CA4: variants seen among roughly 807,000 people sequenced by gnomAD.
The protein encoded by CA4 is carbonic anhydrase 4, also known as CA-IV.
CA4 carries 24 observed loss-of-function variants against 34.5 expected under a neutral mutation model. That is an observed-to-expected ratio of 0.70 (90% CI 0.50 to 0.98). The LOEUF (loss-of-function observed/expected upper bound fraction) is 0.98, where lower values mean the gene tolerates loss of function less well. CA4 is among the 50% of genes least tolerant of loss of function. CA4 has a pLI of 0.00. For synonymous variants in CA4, 178 were observed against 170.6 expected (o/e 1.04, Z -0.34); for missense variants, 394 against 396.7 (o/e 0.99, Z 0.06).
intron 5 of CA4, among the ~76,000 whole-genome samples, chr17:60,166,885 A>G (rs2145303803): frequency 6.6e-6 from 1 of 152,314 alleles, no homozygotes; most frequent in South Asian, 2.1e-4. Context: ...TAAACCTGGG[A>G]GGTGGAGGTT....
chr17:60,171,060 G>A (rs2083906989), downstream of CA4, among the ~76,000 whole-genome samples: 1 of 152,242 alleles, frequency 6.6e-6, no homozygotes, highest in African/African-American at 2.4e-5. Flanking sequence ...TCATAGAGCT[G>A]TGGTGAGCAT....
At chr17:60,172,002 C>T (rs557756728), downstream of CA4, among the ~76,000 whole-genome samples, 1 of 152,274 alleles carries the variant, frequency 6.6e-6, no homozygotes, top group South Asian at 2.1e-4. Flanking sequence ...GAACCTGGGG[C>T]TGCGGCAGCC....
intron 1 of CA4, among the ~76,000 whole-genome samples, chr17:60,150,678 A>G (rs2083575779): frequency 7.0e-6 from 1 of 143,728 alleles, no homozygotes; most frequent in African/African-American, 2.7e-5. Context: ...AAAAAAAAAA[A>G]AAAAAAAAAA....
In CA4 at chr17:60,156,555, C is replaced by G. The variant is rs1248952586; in HGVS notation, c.113-5C>G. 1.5e-5 allele frequency: 25 copies of G among 1,614,152 alleles called. No homozygotes were observed. Among genetic ancestry groups the G allele is most frequent in the Non-Finnish European group, 2.0e-5 (24 of 1,179,966 alleles). ...ACTCTCAGCCCACCTTCTCTCCCTG[C>G]TCAGTGCCAGTCAAGTGGGGTGGAA... On this transcript the variant is annotated splice_polypyrimidine_tract_variant and splice_region_variant and intron_variant, in intron 2 of 7. Transcript: ENST00000300900.
chr17:60,154,129 G>A (rs560714026), intron 1 of CA4, among the ~76,000 whole-genome samples: 1 of 152,046 alleles, frequency 6.6e-6, no homozygotes, highest in African/African-American at 2.4e-5. Flanking sequence ...AGTGGGAACC[G>A]TGCTTTTCTT....
downstream of CA4, among the ~76,000 whole-genome samples, chr17:60,159,961 G>A (rs898857414): frequency 3.0e-4 from 46 of 152,334 alleles, no homozygotes; most frequent in African/African-American, 1.0e-3. Flanking sequence ...GCAACATGGT[G>A]AAGCCCTGTC....
At chr17:60,170,052 G>A (rs2083899128) in intron 5 of CA4, among the ~76,000 whole-genome samples, 1 of 152,224 alleles carries the variant, frequency 6.6e-6, no homozygotes, top group Non-Finnish European at 1.5e-5. Context: ...ATGAATGCAG[G>A]AGCGGGGCAG....
At chr17:60,168,572 G>A (rs1485918007) in intron 5 of CA4, among the ~76,000 whole-genome samples, 2 of 149,210 alleles carry the variant, frequency 1.3e-5, no homozygotes, top group Admixed American at 6.6e-5. Context: ...TTTTTTTTTC[G>A]GTGGGGAGGT....
At chr17:60,160,996 AG>A (rs2083782227), downstream of CA4, among the ~76,000 whole-genome samples, 1 of 151,458 alleles carries the variant, frequency 6.6e-6, no homozygotes, top group Non-Finnish European at 1.5e-5. Context: ...GGAGCTATAG[AG>A]GTGAAGGCAG....
At chr17:60,178,666 C>T in the CA4 span, among the ~76,000 whole-genome samples, 1 of 151,974 alleles carries the variant, frequency 6.6e-6, no homozygotes, top group African/African-American at 2.4e-5. Context: ...ATAAATACAA[C>T]GGCAAAAACA....
At chr17:60,156,060 T>G (rs1026979034) in intron 2 of CA4, among the ~76,000 whole-genome samples, 2 of 152,134 alleles carry the variant, frequency 1.3e-5, no homozygotes, top group East Asian at 1.9e-4. Context: ...CCAGGGTTAC[T>G]CCTCTCCCTC....
chr17:60,174,758 A>C (rs2083941818), downstream of CA4, among the ~76,000 whole-genome samples: 1 of 152,102 alleles, frequency 6.6e-6, no homozygotes, highest in African/African-American at 2.4e-5. Flanking sequence ...TGGGATCGCC[A>C]CTCCCCAACT....
chr17:60,151,325 T>G (rs187374318), intron 1 of CA4: 1 of 152,232 alleles, frequency 6.6e-6, no homozygotes, highest in African/African-American at 2.4e-5. Context: ...GCGTGTGCCC[T>G]TTGCAGCAGG....
At chr17:60,157,939 G>A (rs2083721544) in intron 5 of CA4, 122 bp from the exon 6 acceptor site, 1 of 1,555,036 alleles carries the variant, frequency 6.4e-7, no homozygotes, top group South Asian at 1.2e-5. Flanking sequence ...CGGGCCAGGT[G>A]GGGAGCCCAG....
chr17:60,168,798 C>T (rs1375001948), intron 5 of CA4, among the ~76,000 whole-genome samples: 1 of 152,130 alleles, frequency 6.6e-6, no homozygotes, highest in South Asian at 2.1e-4. Flanking sequence ...GAAGAGCACA[C>T]TTGAGATACC....
At chr17:60,150,488 C>T (rs2083571227) in intron 1 of CA4, among the ~76,000 whole-genome samples, 1 of 151,732 alleles carries the variant, frequency 6.6e-6, no homozygotes, top group Non-Finnish European at 1.5e-5. Context: ...GCATGGCCAA[C>T]ATGGTGAAAT....
downstream of CA4, among the ~76,000 whole-genome samples, chr17:60,162,908 G>T (rs1057404632): frequency 3.9e-5 from 6 of 152,192 alleles, no homozygotes; most frequent in Non-Finnish European, 8.8e-5. Context: ...TCTGTGTCCA[G>T]GGGCAGGGTG....
intron 7 of CA4, chr17:60,158,648 C>A: frequency 1.6e-6 from 1 of 612,470 alleles, no homozygotes; most frequent in East Asian, 2.8e-5. Context: ...AGACAGGAGG[C>A]AGGGGAAGGT....
chr17:60,164,385 TTTC>T (rs2083833850), downstream of CA4, among the ~76,000 whole-genome samples: 2 of 151,234 alleles, frequency 1.3e-5, no homozygotes, highest in African/African-American at 4.9e-5. Context: ...TCTTTCTTTC[TTTC>T]TTTTTTCTTT....
Sources: gnomAD v4.1 joint callset for allele counts (sites outside exome capture counted in the v4.1 genomes callset) on GRCh38, gnomAD v4.1.1 for gene constraint, MANE v1.5 for transcripts, NCBI Gene and HGNC (gene_info 2026-07-23, HGNC 2026-07-21) for gene names.